The following ACOX1 variants were observed in gnomAD, a reference collection of about 807,000 sequenced individuals.
ACOX1 encodes the protein peroxisomal acyl-coenzyme A oxidase 1.
Under a neutral mutation model 75.5 loss-of-function variants are expected in ACOX1, and 41 were observed. That is an observed-to-expected ratio of 0.54 (90% confidence interval 0.42 to 0.70). ACOX1 has a LOEUF of 0.70. ACOX1 is among the 30% of genes least tolerant of loss of function. The pLI, the probability that ACOX1 is intolerant of heterozygous loss-of-function variation, is 0.00. For synonymous variants in ACOX1, 303 were observed against 298.8 expected (o/e 1.01, Z -0.15); for missense variants, 630 against 837.5 (o/e 0.75, Z 3.06).
intron 4 of ACOX1, 125 bp downstream of exon 4, chr17:75,957,334 G>T: frequency 1.2e-6 from 1 of 860,328 alleles, no homozygotes; most frequent in Non-Finnish European, 2.0e-6. Context: ...GCCCACCTCA[G>T]CCTCCCAAAG....
At chr17:75,963,623 G>A (rs534763949) in intron 2 of ACOX1, among the ~76,000 whole-genome samples, 32 of 151,810 alleles carry the variant, frequency 2.1e-4, no homozygotes, top group African/African-American at 5.8e-4. Flanking sequence ...CCTTGAACCC[G>A]GGAGGCGGAG....
chr17:75,946,898 C>A (rs2065725544), intron 13 of ACOX1, 103 bp from the exon 14 acceptor site: 2 of 1,026,216 alleles, frequency 1.9e-6, no homozygotes, highest in African/African-American at 3.2e-5. Context: ...AGACTGAGTC[C>A]TGCTCTGTTG....
At chr17:75,953,423 C>A (rs1327436772) in intron 7 of ACOX1, 28 bp downstream of exon 7, 3 of 1,611,936 alleles carry the variant, frequency 1.9e-6, no homozygotes, top group Non-Finnish European at 2.5e-6. Flanking sequence ...GCCTTTGGTA[C>A]TGAGCCCATC....
chr17:75,976,058 G>T (rs1385363030), intron 2 of ACOX1, among the ~76,000 whole-genome samples: 1 of 152,176 alleles, frequency 6.6e-6, no homozygotes, highest in Non-Finnish European at 1.5e-5. Context: ...CAAAACACTG[G>T]TGTGAGTTAT....
intron 2 of ACOX1, among the ~76,000 whole-genome samples, chr17:75,975,868 A>G (rs1190789434): frequency 6.6e-6 from 1 of 151,882 alleles, no homozygotes; most frequent in Non-Finnish European, 1.5e-5. Context: ...AGAGAGAGAG[A>G]GAGAGAAAGA....
Position 75,963,943 on chromosome 17 carries a change from G to A in ACOX1, c.270-3568C>T, listed in dbSNP as rs191573165. ...TCATGCCTATAATCCCAGTACTTTG[G>A]GGGGCCAAGGTGGGCGGATCACTTG... On this transcript the variant is annotated intron_variant, in intron 2 of 13. Transcript: ENST00000293217. Among the ~76,000 whole-genome samples, 693 of 151,710 alleles carry A rather than the reference G, an allele frequency of 4.6e-3. 1 individual carries two copies. The highest frequency in any genetic ancestry group is 7.8e-3 in the Non-Finnish European group (531 of 67,912).
intron 2 of ACOX1, among the ~76,000 whole-genome samples, chr17:75,977,368 A>C (rs181907155): frequency 7.1e-4 from 108 of 151,270 alleles, no homozygotes; most frequent in African/African-American, 2.1e-3. Flanking sequence ...GGAGTTTGAG[A>C]CCAGCCTGGC....
In ACOX1 at chr17:75,956,959, CTCTCTCTCTCTCTATATA is replaced by C. The variant is rs2065834806; in HGVS notation, c.538+482_538+499del. Among the ~76,000 whole-genome samples, 43 of 25,190 alleles carry C rather than the reference CTCTCTCTCTCTCTATATA, an allele frequency of 1.7e-3. 1 individual carries two copies. The highest frequency in any genetic ancestry group is 3.8e-3 in the African/African-American group (11 of 2,894). The allele number at this position is 25,190 out of a possible 152,430, so 16.5% of individuals were successfully genotyped here. On this transcript the variant is annotated intron_variant, in intron 4 of 13. Transcript: ENST00000293217. ...TCTCTCTCTCTCTCTCTCTCTCTCTCTCTCTCTCTCTCTATATATATATATATATATATATATATATAT... is the reference window on the plus strand; with the variant it reads ...TCTCTCTCTCTCTCTCTCTCTCTCTCTATATATATATATATATATATATAT...
chr17:75,973,874 G>A lies in ACOX1; in HGVS notation c.269+4660C>T, dbSNP rs1053651434. 3.0e-6 allele frequency: 4 copies of A among 1,337,380 alleles called. No homozygotes were observed. The African/African-American group carries it at 4.3e-5, about 14-fold the overall frequency. The allele number at this position is 1,337,380 out of a possible 1,614,324, so 82.8% of individuals were successfully genotyped here. The stretch of plus-strand genomic sequence containing the variant: ...TTGCCAAACAGCTTTGGCCTTCAAG[G>A]AGAAGGTCAGGAAAATGTAAACCCC... On this transcript the variant is annotated intron_variant, in intron 2 of 13. Coordinates refer to ENST00000293217, the MANE Select transcript of ACOX1 (RefSeq NM_004035.7).
In ACOX1 at chr17:75,946,690, A is replaced by G; in HGVS notation, c.*58T>C. ...ATTTGAATTCGAAAAAGATTCCACAAAATTTGAGTTGCACACAGGCGCTTT... is the reference window on the plus strand; with the variant it reads ...ATTTGAATTCGAAAAAGATTCCACAGAATTTGAGTTGCACACAGGCGCTTT... On this transcript the variant is annotated 3_prime_UTR_variant, in exon 14 of 14. Transcript: ENST00000293217. 1 of 1,509,526 alleles carries G rather than the reference A, an allele frequency of 6.6e-7. No homozygotes were observed. Among genetic ancestry groups the G allele is most frequent in the South Asian group, 1.1e-5 (1 of 88,624 alleles). The allele number at this position is 1,509,526 out of a possible 1,614,324, so 93.5% of individuals were successfully genotyped here.
Position 75,960,348 on chromosome 17 carries a change from A to C in ACOX1, c.297T>G (p.Pro99=). The change falls in exon 3 of 14, where the codon CCT becomes CCG. Residue 99 remains proline (P), a synonymous_variant. Transcript: ENST00000293217. This position sits in a 1 kb window ranked among gnomAD's most constrained non-coding sequence, Gnocchi z 4.4. ...KNFVHRGRPE[P]LDLHLGMFLP... ...GGAACATGCCCAAGTGAAGATCCAG[A>C]GGCTCAGGCCGCCCTCGGTGCACAA... 1 of 1,614,190 alleles carries C rather than the reference A, an allele frequency of 6.2e-7. No homozygotes were observed. Among genetic ancestry groups the C allele is most frequent in the South Asian group, 1.1e-5 (1 of 91,086 alleles).
rs1555617568 is a variant in ACOX1, at chr17:75,957,008, T to TATATATATAC, written c.538+450_538+451insGTATATATAT. Among the ~76,000 whole-genome samples the TATATATATAC allele has an allele frequency of 1.0e-4, 11 of 110,172 alleles. 1 individual carries two copies. The highest frequency in any genetic ancestry group is 4.1e-4 in the African/African-American group (11 of 26,612). The allele number at this position is 110,172 out of a possible 152,430, so 72.3% of individuals were successfully genotyped here. A position where few individuals can be genotyped will look rare whatever the true frequency, so the allele number is the denominator to read the frequency against. On this transcript the variant is annotated intron_variant, in intron 4 of 13. Coordinates refer to ENST00000293217, the MANE Select transcript of ACOX1 (RefSeq NM_004035.7). The stretch of plus-strand genomic sequence containing the variant: ...ATATATATATATATATATATATATA[T>TATATATATAC]ACACACACACACCTCTCTCTGTCTA...
intron 7 of ACOX1, 95 bp from the exon 8 acceptor site, chr17:75,951,672 C>T: frequency 2.3e-6 from 3 of 1,299,360 alleles, no homozygotes; most frequent in Non-Finnish European, 2.2e-6. Context: ...GGTATTTTAA[C>T]TTATTTAGTC....
intron 6 of ACOX1, among the ~76,000 whole-genome samples, chr17:75,955,009 A>C (rs574191100): frequency 6.6e-6 from 1 of 152,224 alleles, no homozygotes; most frequent in Admixed American, 6.5e-5. Context: ...CTGGGACTAC[A>C]GGTGCGCACC....
chr17:75,949,610 CAT>C lies in ACOX1; in HGVS notation c.1479-12_1479-11del. ...AGCAATTTCTACTAATCTGTTAAGA[CAT>C]AGATTGGAGGTCTGAGGAAATGATC... On this transcript the variant is annotated splice_polypyrimidine_tract_variant and intron_variant, in intron 10 of 13. Coordinates refer to ENST00000293217, the MANE Select transcript of ACOX1 (RefSeq NM_004035.7). The C allele has an allele frequency of 6.2e-7, 1 of 1,613,756 alleles. No individual in the cohort carries two copies. The highest frequency in any genetic ancestry group is 8.5e-7 in the Non-Finnish European group (1 of 1,179,632).
At chr17:75,967,593 A>C (rs2065943212) in intron 2 of ACOX1, among the ~76,000 whole-genome samples, 1 of 146,390 alleles carries the variant, frequency 6.8e-6, no homozygotes, top group Non-Finnish European at 1.5e-5. Context: ...TAATTTAAAA[A>C]ATCGAAATAT....
chr17:75,967,609 T>C (rs1022904723), intron 2 of ACOX1, among the ~76,000 whole-genome samples: 1 of 140,914 alleles, frequency 7.1e-6, no homozygotes, highest in Admixed American at 7.2e-5. Flanking sequence ...AATATATATA[T>C]ATATACATAC....
At chr17:75,949,070 G>A (rs1244287108) in intron 12 of ACOX1, 147 bp downstream of exon 12, 2 of 855,956 alleles carry the variant, frequency 2.3e-6, no homozygotes, top group East Asian at 2.7e-5. Context: ...AGGCCAGGCT[G>A]GTCTTGAACT....
intron 4 of ACOX1, among the ~76,000 whole-genome samples, chr17:75,956,298 A>G (rs1393216159): frequency 6.6e-6 from 1 of 152,184 alleles, no homozygotes; most frequent in Non-Finnish European, 1.5e-5. Flanking sequence ...TTATAAATAA[A>G]TAAAATATAT....
Sources: gnomAD v4.1 joint callset for allele counts (sites outside exome capture counted in the v4.1 genomes callset) on GRCh38, gnomAD v4.1.1 for gene constraint, Gnocchi (gnomAD v3.1) non-coding constraint, MANE v1.5 for transcripts, NCBI Gene and HGNC (gene_info 2026-07-23, HGNC 2026-07-21) for gene names.